The following FALEC variants were observed in gnomAD, a reference collection of about 807,000 sequenced individuals.
FALEC encodes the protein focally amplified lncRNA regulator of ECM1, also known as focally amplified lncRNA on chromosome 1.
At chr1:150,521,737 C>A (rs977211514), downstream of FALEC, among the ~76,000 whole-genome samples, 1 of 152,122 alleles carries the variant, frequency 6.6e-6, no homozygotes, top group South Asian at 2.1e-4. Flanking sequence ...AATCAAGTGT[C>A]CATATTTGCA....
the FALEC span, among the ~76,000 whole-genome samples, chr1:150,524,748 G>C: frequency 6.6e-6 from 1 of 152,124 alleles, no homozygotes; most frequent in Non-Finnish European, 1.5e-5. Context: ...AACCAGGTAC[G>C]CATGCCTGTA....
the FALEC span, among the ~76,000 whole-genome samples, chr1:150,532,999 G>C: frequency 6.6e-6 from 1 of 152,216 alleles, no homozygotes. Context: ...CAAAGACCCT[G>C]AGGTGGCCCA....
At chr1:150,534,275 G>A in the FALEC span, among the ~76,000 whole-genome samples, 35 of 152,320 alleles carry the variant, frequency 2.3e-4, no homozygotes, top group Admixed American at 1.6e-3. Context: ...GCACTGCTCT[G>A]CAAGAGACTC....
chr1:150,532,064 G>A, the FALEC span, among the ~76,000 whole-genome samples: 7 of 152,100 alleles, frequency 4.6e-5, no homozygotes, highest in Non-Finnish European at 7.4e-5. Context: ...CCACCACCAC[G>A]CCCAGCTAAT....
the FALEC span, among the ~76,000 whole-genome samples, chr1:150,525,646 C>T: frequency 6.6e-6 from 1 of 152,198 alleles, no homozygotes; most frequent in Non-Finnish European, 1.5e-5. Context: ...TTTCCTCTGT[C>T]ACCCAGACAC....
the FALEC span, among the ~76,000 whole-genome samples, chr1:150,530,142 C>T: frequency 6.6e-6 from 1 of 152,086 alleles, no homozygotes; most frequent in Non-Finnish European, 1.5e-5. Context: ...GACTGCACCA[C>T]CTCAGGGAAG....
At chr1:150,522,503 G>A (rs587710056), downstream of FALEC, among the ~76,000 whole-genome samples, 5 of 150,364 alleles carry the variant, frequency 3.3e-5, no homozygotes, top group South Asian at 6.3e-4. Flanking sequence ...CATGCCTGTA[G>A]TCCCAGCTAC....
At chr1:150,526,545 C>T in the FALEC span, among the ~76,000 whole-genome samples, 12 of 38,058 alleles carry the variant, frequency 3.2e-4, 1 homozygote, top group Admixed American at 1.3e-3. Context: ...TTTTTTGATT[C>T]TCCTGCCTCA....
intron 1 of FALEC, chr1:150,517,683 T>A (rs1416326320): frequency 6.6e-6 from 1 of 152,308 alleles, no homozygotes; most frequent in Non-Finnish European, 1.5e-5. Flanking sequence ...AGCCTGACCA[T>A]GCTGGCACAT....
At chr1:150,536,747 C>G in the FALEC span, among the ~76,000 whole-genome samples, 2 of 152,274 alleles carry the variant, frequency 1.3e-5, 1 homozygote, top group South Asian at 4.1e-4. Flanking sequence ...TGTGATCACA[C>G]CACTGCACTT....
chr1:150,535,029 G>C, the FALEC span, among the ~76,000 whole-genome samples: 1 of 152,074 alleles, frequency 6.6e-6, no homozygotes, highest in Non-Finnish European at 1.5e-5. Flanking sequence ...GAGTTGACTG[G>C]TGATGACAGG....
chr1:150,522,851 C>CTCTA (rs1553907898), downstream of FALEC, among the ~76,000 whole-genome samples: 13 of 87,710 alleles, frequency 1.5e-4, 1 homozygote, highest in African/African-American at 4.9e-4. Context: ...CTCTCTCTCT[C>CTCTA]TATATATATA....
chr1:150,528,144 A>T, the FALEC span, among the ~76,000 whole-genome samples: 4 of 152,168 alleles, frequency 2.6e-5, no homozygotes, highest in African/African-American at 9.7e-5. Flanking sequence ...GAACTTGTGG[A>T]TGAATTTTTG....
At chr1:150,522,930 T>TATATAC (rs1234819411), downstream of FALEC, among the ~76,000 whole-genome samples, 756 of 14,452 alleles carry the variant, frequency 0.052, 9 homozygotes, top group African/African-American at 0.072. Flanking sequence ...TATATACATA[T>TATATAC]ATATGTGTGT....
chr1:150,522,878 T>TATATATACAC (rs1553907913), downstream of FALEC, among the ~76,000 whole-genome samples: 1 of 92,954 alleles, frequency 1.1e-5, no homozygotes, highest in Non-Finnish European at 2.2e-5. Flanking sequence ...TATATATACA[T>TATATATACAC]ATATATATAC....
the FALEC span, among the ~76,000 whole-genome samples, chr1:150,524,832 AAAAT>A: frequency 6.6e-6 from 1 of 151,994 alleles, no homozygotes; most frequent in Non-Finnish European, 1.5e-5. Flanking sequence ...GTCTCTACAA[AAAAT>A]AAAAATAAAT....
chr1:150,529,038 A>AAAAAAAAAAAAG, the FALEC span, among the ~76,000 whole-genome samples: 3 of 150,930 alleles, frequency 2.0e-5, no homozygotes, highest in African/African-American at 2.4e-5. Context: ...AAAAAAAAAA[A>AAAAAAAAAAAAG]ATCAAAGGAT....
At chr1:150,533,533 T>G in the FALEC span, among the ~76,000 whole-genome samples, 1 of 148,832 alleles carries the variant, frequency 6.7e-6, no homozygotes, top group Non-Finnish European at 1.5e-5. Context: ...CCTCCCAGGT[T>G]CAAGTGATTC....
At chr1:150,522,892 TATATATATATAC>T (rs1212421605), downstream of FALEC, among the ~76,000 whole-genome samples, 6 of 73,824 alleles carry the variant, frequency 8.1e-5, no homozygotes, top group African/African-American at 3.1e-4. Context: ...TATATACGTA[TATATATATATAC>T]ATATATATAC....
Sources: gnomAD v4.1 joint callset for allele counts (sites outside exome capture counted in the v4.1 genomes callset) on GRCh38, gnomAD v4.1.1 for gene constraint, MANE v1.5 for transcripts, NCBI Gene and HGNC (gene_info 2026-07-23, HGNC 2026-07-21) for gene names.